The following IQCM variants were observed in gnomAD, a reference collection of about 807,000 sequenced individuals.
IQCM encodes IQ domain-containing protein M.
Under a neutral mutation model 57.6 loss-of-function variants are expected in IQCM, and 45 were observed. The ratio of observed to expected loss-of-function variants is 0.78; its 90% CI spans 0.62 to 1.00. The LOEUF is 1.00. IQCM is among the 50% of genes least tolerant of loss of function. The pLI is 0.00. For synonymous variants in IQCM, 148 were observed against 158.9 expected (o/e 0.93, Z 0.51); for missense variants, 468 against 511.6 (o/e 0.91, Z 0.82).
chr4:149,659,773 G>GC (rs761245724), intron 7 of IQCM, among the ~76,000 whole-genome samples: 121 of 151,898 alleles, frequency 8.0e-4, no homozygotes, highest in Non-Finnish European at 1.6e-3. Context: ...AAACTGGCTA[G>GC]CCATATGTAG....
At chr4:149,485,566 G>A (rs899610884) in intron 12 of IQCM, among the ~76,000 whole-genome samples, 4 of 151,636 alleles carry the variant, frequency 2.6e-5, no homozygotes, top group African/African-American at 9.7e-5. Context: ...ATTCTTTTAG[G>A]TTATTTCAAT....
At chr4:149,455,479 A>G (rs994040321) in intron 12 of IQCM, among the ~76,000 whole-genome samples, 4 of 152,076 alleles carry the variant, frequency 2.6e-5, no homozygotes, top group African/African-American at 2.4e-5. Context: ...AATAAACTTT[A>G]AACCCCATGA....
intron 12 of IQCM, among the ~76,000 whole-genome samples, chr4:149,542,770 T>C (rs1747984555): frequency 6.6e-6 from 1 of 152,170 alleles, no homozygotes; most frequent in Non-Finnish European, 1.5e-5. Flanking sequence ...AAGAATTATT[T>C]ATGAATAATA....
chr4:149,692,225 A>G (rs1222053881), intron 5 of IQCM, among the ~76,000 whole-genome samples: 3 of 152,314 alleles, frequency 2.0e-5, no homozygotes, highest in Middle Eastern at 3.4e-3. Flanking sequence ...ACTGTCTATC[A>G]CACTGTGATT....
At chr4:149,641,943 T>G (rs1758229063) in intron 7 of IQCM, among the ~76,000 whole-genome samples, 1 of 152,150 alleles carries the variant, frequency 6.6e-6, no homozygotes, top group African/African-American at 2.4e-5. Context: ...ATTCTAAAAA[T>G]TAGTTCAACA....
intron 2 of IQCM, among the ~76,000 whole-genome samples, chr4:149,807,063 A>G (rs943689819): frequency 2.6e-5 from 4 of 152,018 alleles, no homozygotes; most frequent in African/African-American, 9.6e-5. Flanking sequence ...AAGAATGAAT[A>G]TTATTAAAAT....
chr4:149,712,906 T>G (rs1457954280), intron 5 of IQCM, among the ~76,000 whole-genome samples: 1 of 152,090 alleles, frequency 6.6e-6, no homozygotes, highest in Non-Finnish European at 1.5e-5. Flanking sequence ...TGGTACAAAT[T>G]AACTGCCTAG....
chr4:149,649,553 T>C (rs532762467), intron 7 of IQCM, among the ~76,000 whole-genome samples: 1 of 152,292 alleles, frequency 6.6e-6, no homozygotes, highest in African/African-American at 2.4e-5. Flanking sequence ...AGTTTATTTT[T>C]TATTATTTCA....
At chr4:149,435,686 T>C (rs183650196) in intron 12 of IQCM, among the ~76,000 whole-genome samples, 231 of 152,026 alleles carry the variant, frequency 1.5e-3, no homozygotes, top group African/African-American at 5.3e-3. Flanking sequence ...GCCCTGAAGA[T>C]TTTACAGTGG....
chr4:149,765,828 G>A lies in IQCM; in HGVS notation c.-48-23089C>T, dbSNP rs111564428. Among the ~76,000 whole-genome samples, 1,291 of 151,748 alleles carry A rather than the reference G, an allele frequency of 8.5e-3. 20 individuals carry two copies. The highest frequency in any genetic ancestry group is 0.028 in the African/African-American group (1,155 of 41,372). On this transcript the variant is annotated intron_variant, in intron 2 of 13. Transcript: ENST00000636793. ...TTTCAGACTTTTGCATTCTAGCAAC[G>A]GACTGAAACCACCCAGATCCATGAC... is the stretch of plus-strand genomic sequence containing the variant.
chr4:149,643,492 G>A (rs1435741937), intron 7 of IQCM, among the ~76,000 whole-genome samples: 1 of 152,162 alleles, frequency 6.6e-6, no homozygotes, highest in African/African-American at 2.4e-5. Context: ...GGACATTAAA[G>A]GTTGGTGAGT....
At chr4:149,389,966 C>T (rs757676635) in intron 13 of IQCM, among the ~76,000 whole-genome samples, 46 of 151,732 alleles carry the variant, frequency 3.0e-4, no homozygotes, top group Non-Finnish European at 3.1e-4. Flanking sequence ...CCTTGTATTT[C>T]CATATGAACT....
At chr4:149,782,680 T>TAA (rs76715978) in intron 2 of IQCM, among the ~76,000 whole-genome samples, 4 of 136,186 alleles carry the variant, frequency 2.9e-5, no homozygotes, top group South Asian at 2.3e-4. Context: ...ATCCAGAACT[T>TAA]AAAAAAAAAA....
chr4:149,607,391 G>A (rs964947090), intron 8 of IQCM, among the ~76,000 whole-genome samples: 1 of 151,964 alleles, frequency 6.6e-6, no homozygotes, highest in African/African-American at 2.4e-5. Flanking sequence ...AAATTCTAAA[G>A]GGAGTTTGTT....
chr4:149,541,660 T>G (rs1747863442), intron 12 of IQCM, among the ~76,000 whole-genome samples: 1 of 152,112 alleles, frequency 6.6e-6, no homozygotes, highest in African/African-American at 2.4e-5. Flanking sequence ...AAGATCGGCC[T>G]ACAAATGTAG....
intron 9 of IQCM, among the ~76,000 whole-genome samples, chr4:149,585,387 A>T (rs930987313): frequency 1.3e-5 from 2 of 151,728 alleles, no homozygotes; most frequent in African/African-American, 4.8e-5. Flanking sequence ...GTTTCGTGGA[A>T]TTTTTATGAT....
intron 2 of IQCM, among the ~76,000 whole-genome samples, chr4:149,779,614 T>C (rs1771417228): frequency 6.6e-6 from 1 of 152,072 alleles, no homozygotes; most frequent in Non-Finnish European, 1.5e-5. Context: ...GGACTAAATA[T>C]AAAATGTAAG....
At chr4:149,670,871 C>T (rs1297115628) in intron 7 of IQCM, among the ~76,000 whole-genome samples, 1 of 151,424 alleles carries the variant, frequency 6.6e-6, no homozygotes, top group African/African-American at 2.4e-5. Flanking sequence ...CTGCTGGATT[C>T]GGTTTGCCAG....
chr4:149,475,638 G>T (rs190357285), intron 12 of IQCM, among the ~76,000 whole-genome samples: 1 of 151,876 alleles, frequency 6.6e-6, no homozygotes, highest in East Asian at 1.9e-4. Flanking sequence ...CACTGAGGGG[G>T]GAAGAAGAAG....
Sources: gnomAD v4.1 joint callset for allele counts (sites outside exome capture counted in the v4.1 genomes callset) on GRCh38, gnomAD v4.1.1 for gene constraint, MANE v1.5 for transcripts, NCBI Gene and HGNC (gene_info 2026-07-23, HGNC 2026-07-21) for gene names.